Variants in RALGAPA2 observed in about 807,000 individuals in gnomAD.
RALGAPA2 encodes ral GTPase-activating protein subunit alpha-2.
In RALGAPA2, 139 loss-of-function variants were observed where a neutral mutation model predicts 230.4. That is an observed-to-expected ratio of 0.60 (90% CI 0.53 to 0.69). RALGAPA2 has a LOEUF of 0.69. Among genes scored for constraint, RALGAPA2 ranks in the 30% least tolerant of loss-of-function variants. The probability of loss-of-function intolerance (pLI) is 0.00; values close to 1 mark genes in which losing one functional copy is unlikely to be tolerated. For missense variants in RALGAPA2, 2,163 were observed against 2,276.0 expected, an observed-to-expected ratio of 0.95 and a Z score of 1.01; for synonymous variants, 847 against 837.8, an observed-to-expected ratio of 1.01 and a Z score of -0.19.
At chr20:20,503,536 A>G in intron 34 of RALGAPA2, 30 bp from the exon 35 acceptor site, 1 of 1,482,624 alleles carries the variant, frequency 6.7e-7, no homozygotes, top group Non-Finnish European at 9.0e-7. Flanking sequence ...AGAAAGAGTG[A>G]GGATCAAAAA....
intron 37 of RALGAPA2, among the ~76,000 whole-genome samples, chr20:20,467,121 G>A (rs1338592295): frequency 6.6e-6 from 1 of 152,182 alleles, no homozygotes; most frequent in Non-Finnish European, 1.5e-5. Context: ...TGGTGCCCAT[G>A]AATTAATGTA....
At chr20:20,628,362 T>C (rs2066558849) in intron 10 of RALGAPA2, among the ~76,000 whole-genome samples, 1 of 152,242 alleles carries the variant, frequency 6.6e-6, no homozygotes, top group Admixed American at 6.5e-5. Flanking sequence ...GGGCTTAACC[T>C]ACTTTTCAGG....
intron 36 of RALGAPA2, among the ~76,000 whole-genome samples, chr20:20,491,060 A>C (rs1002495199): frequency 3.9e-5 from 6 of 152,078 alleles, no homozygotes; most frequent in Admixed American, 2.0e-4. Context: ...AGGACTACAG[A>C]GAAGCCTTGG....
At chr20:20,693,063 A>G (rs6112976) in intron 1 of RALGAPA2, among the ~76,000 whole-genome samples, 57,293 of 152,014 alleles carry the variant, frequency 0.38, 12,107 homozygotes, top group East Asian at 0.64. Flanking sequence ...CATTTCTGAA[A>G]GCATATTGTT....
In RALGAPA2 at chr20:20,412,033, C is replaced by T. The variant is rs1432788652; in HGVS notation, c.5611G>A (p.Gly1871Arg). ...FSPSPSYSLS[G>R]TD ...GAATAATGTAGACACTCACCCGTTCCGCTGAGGGAGTAGCTGGGAGAGGGA... is the reference window on the plus strand; with the variant it reads ...GAATAATGTAGACACTCACCCGTTCTGCTGAGGGAGTAGCTGGGAGAGGGA... Residue 1871 changes from glycine (G) to arginine (R), a missense_variant, in exon 38 of 40, where the codon GGA becomes AGA. Coordinates refer to ENST00000202677, the MANE Select transcript of RALGAPA2 (RefSeq NM_020343.4). 4.3e-6 allele frequency: 7 copies of T among 1,613,798 alleles called. No homozygotes were observed. Among genetic ancestry groups the T allele is most frequent in the Admixed American group, 1.7e-5 (1 of 60,000 alleles).
In RALGAPA2 at chr20:20,571,467, G is replaced by A. The variant is rs566841900; in HGVS notation, c.3147C>T (p.Ser1049=). The A allele has an allele frequency of 5.0e-5, 80 of 1,611,448 alleles. No homozygotes were observed. Among genetic ancestry groups the A allele is most frequent in the Non-Finnish European group, 6.4e-5 (75 of 1,179,148 alleles). ...AGGAGTCGCAGAATACCTGATCCTC[G>A]CTGGTTAATCCCAGGTGCATCACAA... ...FYLVMHLGLT[S]EDQDILNTII... is the part of the protein sequence containing the mutation. The change falls in exon 23 of 40, where the codon AGC becomes AGT. Residue 1049 remains serine (S), a synonymous_variant. Transcript: ENST00000202677.
chr20:20,482,842 G>T (rs2061812564), intron 36 of RALGAPA2, among the ~76,000 whole-genome samples: 1 of 152,174 alleles, frequency 6.6e-6, no homozygotes, highest in African/African-American at 2.4e-5. Flanking sequence ...AAGAGAAAAG[G>T]CTGAAGAACA....
At chr20:20,482,256 G>A (rs1239687602) in intron 36 of RALGAPA2, among the ~76,000 whole-genome samples, 5 of 152,206 alleles carry the variant, frequency 3.3e-5, no homozygotes, top group Admixed American at 3.3e-4. Flanking sequence ...GGGGAATACA[G>A]ATATGAACAA....
chr20:20,492,955 C>G (rs929239671), intron 36 of RALGAPA2, among the ~76,000 whole-genome samples: 2 of 152,168 alleles, frequency 1.3e-5, no homozygotes, highest in African/African-American at 2.4e-5. Context: ...TAACAGCTAT[C>G]TGATCAGAAA....
intron 27 of RALGAPA2, among the ~76,000 whole-genome samples, chr20:20,527,289 T>A (rs1164524333): frequency 6.6e-6 from 1 of 152,170 alleles, no homozygotes; most frequent in Non-Finnish European, 1.5e-5. Context: ...TTCTACAGAA[T>A]AAACAGTTAC....
chr20:20,600,868 G>T (rs912279417), intron 16 of RALGAPA2, among the ~76,000 whole-genome samples: 1 of 152,198 alleles, frequency 6.6e-6, no homozygotes, highest in Non-Finnish European at 1.5e-5. Context: ...TTGGGAGGCC[G>T]AGGCGGGCAG....
intron 30 of RALGAPA2, among the ~76,000 whole-genome samples, chr20:20,521,675 C>A (rs868072726): frequency 3.3e-5 from 5 of 152,310 alleles, no homozygotes; most frequent in South Asian, 2.1e-4. Flanking sequence ...TGTACACATA[C>A]AAGCCATGCA....
intron 1 of RALGAPA2, among the ~76,000 whole-genome samples, chr20:20,692,459 T>G (rs1433226944): frequency 6.6e-6 from 1 of 151,980 alleles, no homozygotes; most frequent in Non-Finnish European, 1.5e-5. Context: ...CCCTCCCTCT[T>G]CCTAATAGAG....
At chr20:20,660,371 T>G (rs1215160205) in intron 3 of RALGAPA2, among the ~76,000 whole-genome samples, 1 of 152,224 alleles carries the variant, frequency 6.6e-6, no homozygotes, top group East Asian at 1.9e-4. Flanking sequence ...CTATTTAAAA[T>G]TCTGGTTTCC....
At chr20:20,619,549 G>A (rs2066257693) in intron 11 of RALGAPA2, 135 bp from the exon 12 acceptor site, 3 of 706,776 alleles carry the variant, frequency 4.2e-6, no homozygotes, top group South Asian at 6.7e-5. Context: ...AAACTCACCA[G>A]GATTCACATG....
chr20:20,477,986 CA>C (rs564371568), intron 36 of RALGAPA2, among the ~76,000 whole-genome samples: 1 of 152,110 alleles, frequency 6.6e-6, no homozygotes, highest in African/African-American at 2.4e-5. Flanking sequence ...TGGCCCTTTA[CA>C]AAAAATGTTT....
intron 23 of RALGAPA2, among the ~76,000 whole-genome samples, chr20:20,547,828 G>A (rs2063814755): frequency 6.6e-6 from 1 of 152,204 alleles, no homozygotes; most frequent in Non-Finnish European, 1.5e-5. Context: ...ACATCATAGA[G>A]TGACTTACAC....
chr20:20,398,734 C>T lies in RALGAPA2; in HGVS notation c.5618-2000G>A, dbSNP rs1390024623. On this transcript the variant is annotated intron_variant, in intron 38 of 39. Coordinates refer to ENST00000202677, the MANE Select transcript of RALGAPA2 (RefSeq NM_020343.4). The surrounding 1 kb of genome is among the most constrained non-coding windows in gnomAD (Gnocchi z 4.5). The stretch of plus-strand genomic sequence containing the variant: ...GGGGCGATAGGGGAGAGACACAAAG[C>T]CTAACTGTCCTATCCCTTTGTCAAA... 6.6e-6 allele frequency among the ~76,000 whole-genome samples: 1 copy of T among 152,138 alleles called. No homozygotes were observed. Among genetic ancestry groups the T allele is most frequent in the Non-Finnish European group, 1.5e-5 (1 of 68,034 alleles).
chr20:20,551,825 T>C (rs778857076), intron 23 of RALGAPA2, among the ~76,000 whole-genome samples: 1 of 152,216 alleles, frequency 6.6e-6, no homozygotes, highest in Non-Finnish European at 1.5e-5. Context: ...ATGTGTAAAA[T>C]AATTTTGTTT....
Sources: gnomAD v4.1 joint callset for allele counts (sites outside exome capture counted in the v4.1 genomes callset) on GRCh38, gnomAD v4.1.1 for gene constraint, Gnocchi (gnomAD v3.1) non-coding constraint, MANE v1.5 for transcripts, NCBI Gene and HGNC (gene_info 2026-07-23, HGNC 2026-07-21) for gene names.